Variants in PPP3CB observed in about 807,000 individuals in gnomAD.
PPP3CB encodes the protein protein phosphatase 3 catalytic subunit beta.
Under a neutral mutation model 66.4 loss-of-function variants are expected in PPP3CB, and 8 were observed. The observed-to-expected ratio is 0.12, with a 90% CI of 0.07 to 0.22. PPP3CB has a LOEUF of 0.22. Among genes scored for constraint, PPP3CB ranks in the 10% least tolerant of loss-of-function variants. The probability of loss-of-function intolerance (pLI) is 1.00; values close to 1 mark genes in which losing one functional copy is unlikely to be tolerated. For missense variants in PPP3CB, 319 were observed against 642.5 expected (o/e 0.50, Z 5.44); for synonymous variants, 208 against 221.2 (o/e 0.94, Z 0.53).
intron 5 of PPP3CB, 114 bp from the exon 6 acceptor site, chr10:73,471,323 A>G: frequency 1.5e-6 from 2 of 1,352,098 alleles, no homozygotes; most frequent in Non-Finnish European, 2.0e-6. Flanking sequence ...TATTGTGAAT[A>G]AACAGAAGTT....
At chr10:73,475,569 G>C (rs886633358) in intron 3 of PPP3CB, among the ~76,000 whole-genome samples, 2 of 152,176 alleles carry the variant, frequency 1.3e-5, no homozygotes, top group Admixed American at 1.3e-4. Context: ...CTGATCCTCT[G>C]ATCTTAAGCA....
chr10:73,463,238 A>T (rs1340817314), intron 9 of PPP3CB, among the ~76,000 whole-genome samples: 1 of 152,144 alleles, frequency 6.6e-6, no homozygotes, highest in Non-Finnish European at 1.5e-5. Flanking sequence ...CCAGGCCTTC[A>T]TTATGTCTCT....
intron 8 of PPP3CB, among the ~76,000 whole-genome samples, chr10:73,468,257 CCTA>C (rs2056649678): frequency 2.0e-5 from 3 of 151,980 alleles, no homozygotes; most frequent in Admixed American, 6.6e-5. Context: ...GAAAAAAAAT[CCTA>C]CTAAAACACC....
At chr10:73,483,892 C>T (rs1254734515) in intron 1 of PPP3CB, among the ~76,000 whole-genome samples, 2 of 151,808 alleles carry the variant, frequency 1.3e-5, no homozygotes, top group Admixed American at 6.6e-5. Context: ...GTCTGCAGTC[C>T]CAGCACTTTG....
chr10:73,441,467 G>A (rs2132754317), intron 12 of PPP3CB, among the ~76,000 whole-genome samples: 1 of 152,270 alleles, frequency 6.6e-6, no homozygotes, highest in South Asian at 2.1e-4. Flanking sequence ...AGCCGGGCAT[G>A]GTGGTGTGCA....
At chr10:73,477,142 A>C (rs778752419) in intron 3 of PPP3CB, 1 of 516,456 alleles carries the variant, frequency 1.9e-6, no homozygotes, top group South Asian at 1.4e-5. Flanking sequence ...AAAATGAATA[A>C]AACAACAGTA....
At chr10:73,485,293 G>A (rs1196987324) in intron 1 of PPP3CB, among the ~76,000 whole-genome samples, 1 of 152,094 alleles carries the variant, frequency 6.6e-6, no homozygotes, top group Non-Finnish European at 1.5e-5. Flanking sequence ...TTAGGAAGTT[G>A]GAAAAAGAAA....
rs1263960791 is a variant in PPP3CB at position 73,438,039 on chromosome 10, G to T, written c.*203C>A. 3 of 483,094 alleles carry T rather than the reference G, an allele frequency of 6.2e-6. No homozygotes were observed. Among genetic ancestry groups the T allele is most frequent in the Non-Finnish European group, 7.1e-6 (2 of 281,972 alleles). 29.9% of individuals were successfully genotyped at this position (483,094 alleles called of 1,614,324 possible). On this transcript the variant is annotated 3_prime_UTR_variant, in exon 14 of 14. Transcript: ENST00000360663. ...CCCTTGCTCACTGCTCTCCACCTTG[G>T]CAGCGATGACCCAATCTTATCAGAT...
intron 12 of PPP3CB, among the ~76,000 whole-genome samples, chr10:73,441,221 C>T (rs2056141911): frequency 6.6e-6 from 1 of 152,158 alleles, no homozygotes; most frequent in Admixed American, 6.5e-5. Flanking sequence ...TTGATCTTAA[C>T]CAGACAGTAA....
Position 73,438,258 on chromosome 10 carries a change from T to C in PPP3CB, c.1559A>G (p.Asn520Ser). 3 of 1,613,960 alleles carry C rather than the reference T, an allele frequency of 1.9e-6. No homozygotes were observed. The highest frequency in any genetic ancestry group is 2.5e-6 in the Non-Finnish European group (3 of 1,179,944). Residue 520 changes from asparagine (N) to serine (S), a missense_variant, in exon 14 of 14, where the codon AAC becomes AGC. Asn to Ser is a conservative substitution (Grantham distance 46). Around this residue, in one of 5 missense-constraint regions of PPP3CB, gnomAD observed 25 missense variants for 26.4 expected, o/e 0.95. Coordinates refer to ENST00000360663, the MANE Select transcript of PPP3CB (RefSeq NM_021132.4). Reference sequence around the variant, plus strand: ...AGTAGTGGGTCACTGGGCAGTATGGTTGCCCGTCCCGTGGTTCTCAGTGGC... The same window carrying C: ...AGTAGTGGGTCACTGGGCAGTATGGCTGCCCGTCCCGTGGTTCTCAGTGGC... ...AHATENHGTGNHTAQ is the reference protein window; with the variant it reads ...AHATENHGTGSHTAQ
intron 12 of PPP3CB, chr10:73,443,831 C>T (rs2056202914): frequency 6.6e-6 from 1 of 152,198 alleles, no homozygotes; most frequent in Non-Finnish European, 1.5e-5. Flanking sequence ...AAAATAAAGG[C>T]ACACTTAATA....
At chr10:73,439,652 C>G (rs1399015201) in intron 13 of PPP3CB, among the ~76,000 whole-genome samples, 2 of 151,950 alleles carry the variant, frequency 1.3e-5, no homozygotes, top group African/African-American at 2.4e-5. Flanking sequence ...GCATATTACA[C>G]CGGAAAGAAG....
At position 73,474,725 on chromosome 10, in the gene PPP3CB, C is replaced by T. The variant is rs562147838; in HGVS notation, c.523+194G>A. The stretch of plus-strand genomic sequence containing the variant: ...AAAGTGCTGGGATTACAGGCGTGAA[C>T]CACCATGCCCCACCAAAAACTTCTT... On this transcript the variant is annotated intron_variant, in intron 4 of 13. Coordinates refer to ENST00000360663, the MANE Select transcript of PPP3CB (RefSeq NM_021132.4). Among the ~76,000 whole-genome samples, 64 of 152,262 alleles carry T rather than the reference C, an allele frequency of 4.2e-4. 1 individual carries two copies. In the Middle Eastern group the frequency reaches 0.017, roughly 40 times the overall value.
At chr10:73,466,876 A>G (rs1763893146) in intron 9 of PPP3CB, 1 of 152,174 alleles carries the variant, frequency 6.6e-6, no homozygotes, top group South Asian at 2.1e-4. Flanking sequence ...CTTATGAAAA[A>G]AATTAACTTA....
Position 73,471,050 on chromosome 10 carries a change from T to A in PPP3CB, c.809+20A>T, listed in dbSNP as rs2056694285. 1 of 1,598,372 alleles carries A rather than the reference T, an allele frequency of 6.3e-7. No individual in the cohort carries two copies. The highest frequency in any genetic ancestry group is 8.6e-7 in the Non-Finnish European group (1 of 1,167,810). On this transcript the variant is annotated intron_variant, in intron 6 of 13. Coordinates refer to ENST00000360663, the MANE Select transcript of PPP3CB (RefSeq NM_021132.4). ...ATGTTAACAACTAAAATGTGATTAATCTTGGATATTTTTCCTTACTTATAA... is the reference window on the plus strand; with the variant it reads ...ATGTTAACAACTAAAATGTGATTAAACTTGGATATTTTTCCTTACTTATAA...
chr10:73,459,921 G>C (rs144175200), intron 9 of PPP3CB, among the ~76,000 whole-genome samples: 1 of 152,224 alleles, frequency 6.6e-6, no homozygotes, highest in African/African-American at 2.4e-5. Context: ...AAAAAACATG[G>C]AATTGTACAA....
chr10:73,485,945 TG>T (rs2056967006), intron 1 of PPP3CB, among the ~76,000 whole-genome samples: 7 of 144,898 alleles, frequency 4.8e-5, no homozygotes, highest in Admixed American at 4.3e-4. Context: ...TGTGTGTGTG[TG>T]TGTGTATTTT....
intron 9 of PPP3CB, among the ~76,000 whole-genome samples, chr10:73,465,369 C>T (rs1333839832): frequency 1.3e-5 from 2 of 152,232 alleles, no homozygotes; most frequent in East Asian, 3.9e-4. Flanking sequence ...GCTGGGACTA[C>T]AGGCCAATGT....
chr10:73,483,159 G>T (rs754311274), intron 1 of PPP3CB, among the ~76,000 whole-genome samples: 41 of 152,196 alleles, frequency 2.7e-4, no homozygotes, highest in South Asian at 1.4e-3. Context: ...GCCACAGTTA[G>T]TTATCTAAAG....
Sources: allele counts gnomAD v4.1 joint callset (sites outside exome capture counted in the v4.1 genomes callset), GRCh38; gene constraint gnomAD v4.1.1; regional missense constraint gnomAD v4.1.1; transcripts MANE v1.5; gene names NCBI Gene and HGNC (gene_info 2026-07-23, HGNC 2026-07-21).